Variants in FBXL7 observed in about 807,000 individuals in gnomAD.
FBXL7 encodes the protein F-box and leucine rich repeat protein 7, also known as F-box/LRR-repeat protein 7.
Under a neutral mutation model 38.3 loss-of-function variants are expected in FBXL7, and 12 were observed. That is an observed-to-expected ratio of 0.31 (90% CI 0.20 to 0.51). The LOEUF is 0.51. Ranked by LOEUF, FBXL7 falls within the 20% of genes least tolerant of loss-of-function variation. FBXL7 has a pLI of 0.98. For synonymous variants in FBXL7, 297 were observed against 300.9 expected, an observed-to-expected ratio of 0.99 and a Z score of 0.13; for missense variants, 567 against 676.4, an observed-to-expected ratio of 0.84 and a Z score of 1.79.
At chr5:15,710,228 T>G (rs1431632251) in intron 2 of FBXL7, among the ~76,000 whole-genome samples, 1 of 152,178 alleles carries the variant, frequency 6.6e-6, no homozygotes, top group African/African-American at 2.4e-5. Flanking sequence ...AGATTCTACA[T>G]ATGGCTGAGC....
intron 1 of FBXL7, among the ~76,000 whole-genome samples, chr5:15,589,304 T>G (rs116724671): frequency 0.012 from 1,766 of 152,214 alleles, 26 homozygotes; most frequent in African/African-American, 0.039. Flanking sequence ...AGGAGACTTG[T>G]GGGGGATGAT....
intron 2 of FBXL7, among the ~76,000 whole-genome samples, chr5:15,763,611 T>C (rs1736509207): frequency 6.6e-6 from 1 of 152,242 alleles, no homozygotes; most frequent in Admixed American, 6.5e-5. Flanking sequence ...TTACATAGAA[T>C]GATTTTCTTT....
intron 2 of FBXL7, among the ~76,000 whole-genome samples, chr5:15,916,899 G>A (rs898991689): frequency 1.3e-5 from 2 of 152,190 alleles, no homozygotes; most frequent in African/African-American, 4.8e-5. Flanking sequence ...CCTATAGCAG[G>A]AGGGCCCAGA....
chr5:15,580,864 T>C (rs1739115674), intron 1 of FBXL7: 2 of 965,242 alleles, frequency 2.1e-6, no homozygotes, highest in South Asian at 9.6e-5. Flanking sequence ...GGTTGATGCA[T>C]GGCTGGAAGG....
chr5:15,759,363 G>A (rs1010485976), intron 2 of FBXL7, among the ~76,000 whole-genome samples: 1 of 151,824 alleles, frequency 6.6e-6, no homozygotes, highest in Non-Finnish European at 1.5e-5. Context: ...AATCACAACT[G>A]AACTGTAAAC....
intron 2 of FBXL7, among the ~76,000 whole-genome samples, chr5:15,777,720 TAA>T (rs371293320): frequency 3.3e-3 from 270 of 82,514 alleles, no homozygotes; most frequent in African/African-American, 0.015. Flanking sequence ...CCTATTCTGG[TAA>T]AAAAAAAAAA....
Position 15,500,542 on chromosome 5 carries a change from GGA to G in FBXL7, c.-133_-132del. On this transcript the variant is annotated 5_prime_UTR_variant, in exon 1 of 4. Transcript: ENST00000504595. ...TGGAGTGCGGGGACCTCTCCAGGCCGGAGGTCGGCCCCGGAGCTTGGGGGGGA... is the reference window on the plus strand; with the variant it reads ...TGGAGTGCGGGGACCTCTCCAGGCCGGGTCGGCCCCGGAGCTTGGGGGGGA... 2.4e-6 allele frequency: 3 copies of G among 1,244,368 alleles called. No homozygotes were observed. The highest frequency in any genetic ancestry group is 3.6e-6 in the Non-Finnish European group (3 of 844,692). 77.1% of individuals were successfully genotyped at this position (1,244,368 alleles called of 1,614,324 possible).
intron 1 of FBXL7, among the ~76,000 whole-genome samples, chr5:15,514,848 G>T (rs1236236600): frequency 6.6e-6 from 1 of 152,178 alleles, no homozygotes; most frequent in South Asian, 2.1e-4. Flanking sequence ...GGAGCCACAT[G>T]CAGTGACTAG....
intron 2 of FBXL7, among the ~76,000 whole-genome samples, chr5:15,713,668 A>T (rs1280458750): frequency 6.6e-6 from 1 of 152,242 alleles, no homozygotes; most frequent in East Asian, 1.9e-4. Flanking sequence ...ATGATTGTAG[A>T]TTTAAATCTT....
At chr5:15,629,351 A>G (rs1185232322) in intron 2 of FBXL7, among the ~76,000 whole-genome samples, 5 of 152,184 alleles carry the variant, frequency 3.3e-5, no homozygotes, top group Non-Finnish European at 7.4e-5. Context: ...GCTCACTTTT[A>G]TCAAAGTTAG....
chr5:15,775,849 C>G (rs1165406224), intron 2 of FBXL7, among the ~76,000 whole-genome samples: 1 of 152,174 alleles, frequency 6.6e-6, no homozygotes, highest in Non-Finnish European at 1.5e-5. Flanking sequence ...CTCCTGCACT[C>G]CATTCATTGT....
At chr5:15,642,890 A>C (rs1741412831) in intron 2 of FBXL7, among the ~76,000 whole-genome samples, 1 of 152,170 alleles carries the variant, frequency 6.6e-6, no homozygotes, top group African/African-American at 2.4e-5. Flanking sequence ...GAACTGTTGG[A>C]TCTCTCTTTC....
At chr5:15,723,751 T>G (rs1245128958) in intron 2 of FBXL7, among the ~76,000 whole-genome samples, 3 of 152,240 alleles carry the variant, frequency 2.0e-5, no homozygotes, top group Non-Finnish European at 4.4e-5. Context: ...TGGTTGTGTT[T>G]AACAACTGAC....
intron 2 of FBXL7, among the ~76,000 whole-genome samples, chr5:15,875,598 T>C (rs1740166299): frequency 6.6e-6 from 1 of 152,078 alleles, no homozygotes; most frequent in Admixed American, 6.6e-5. Context: ...GCAGAGTATA[T>C]GAACAGACAC....
chr5:15,569,886 C>G (rs1224827851), intron 1 of FBXL7, among the ~76,000 whole-genome samples: 1 of 152,102 alleles, frequency 6.6e-6, no homozygotes, highest in African/African-American at 2.4e-5. Flanking sequence ...GTATGCTGGA[C>G]TACATTTATT....
intron 1 of FBXL7, among the ~76,000 whole-genome samples, chr5:15,578,192 A>G (rs893406949): frequency 6.6e-6 from 1 of 152,238 alleles, no homozygotes; most frequent in African/African-American, 2.4e-5. Context: ...TTGGGAGAAT[A>G]GAGAAATTTC....
At chr5:15,790,139 T>C (rs754471822) in intron 2 of FBXL7, among the ~76,000 whole-genome samples, 7 of 152,236 alleles carry the variant, frequency 4.6e-5, no homozygotes, top group Non-Finnish European at 1.0e-4. Context: ...AATTTAACCC[T>C]ACTAAATTTT....
intron 1 of FBXL7, among the ~76,000 whole-genome samples, chr5:15,514,575 G>A (rs946372425): frequency 2.6e-5 from 4 of 152,284 alleles, no homozygotes; most frequent in African/African-American, 7.2e-5. Flanking sequence ...GCAAGGCCTT[G>A]GGATACTAAA....
intron 2 of FBXL7, among the ~76,000 whole-genome samples, chr5:15,873,227 A>C: frequency 6.6e-6 from 1 of 152,218 alleles, no homozygotes; most frequent in Non-Finnish European, 1.5e-5. Flanking sequence ...GAACAAAGAC[A>C]CAATGTACCA....
Sources: gnomAD v4.1 joint callset for allele counts (sites outside exome capture counted in the v4.1 genomes callset) on GRCh38, gnomAD v4.1.1 for gene constraint, MANE v1.5 for transcripts, NCBI Gene and HGNC (gene_info 2026-07-23, HGNC 2026-07-21) for gene names.